Variants in CAPN8 observed in about 807,000 individuals in gnomAD.
CAPN8 encodes calpain 8, also known as calpain-8.
Under a neutral mutation model 80.9 loss-of-function variants are expected in CAPN8, and 87 were observed. The ratio of observed to expected loss-of-function variants is 1.07; its 90% CI spans 0.90 to 1.28. CAPN8 has a LOEUF of 1.28. Among genes scored for constraint, CAPN8 ranks in the 50% most tolerant of loss-of-function variants. The pLI is 0.00. For synonymous variants in CAPN8, 299 were observed against 273.8 expected (o/e 1.09, Z -0.91); for missense variants, 757 against 702.0 (o/e 1.08, Z -0.89).
chr1:223,656,619 A>T (rs1270733012), intron 1 of CAPN8, among the ~76,000 whole-genome samples: 1 of 151,174 alleles, frequency 6.6e-6, no homozygotes, highest in Non-Finnish European at 1.5e-5. Context: ...TCCCTCCAGA[A>T]GCTGTCTTCT....
intron 2 of CAPN8, among the ~76,000 whole-genome samples, chr1:223,643,357 C>T (rs1486315035): frequency 6.6e-6 from 1 of 152,164 alleles, no homozygotes; most frequent in Non-Finnish European, 1.5e-5. Context: ...TAAAGTGCAT[C>T]AAATATTCAA....
chr1:223,624,480 G>C (rs1175912170), intron 6 of CAPN8, among the ~76,000 whole-genome samples: 1 of 150,832 alleles, frequency 6.6e-6, no homozygotes. Flanking sequence ...CGAGGCAGGA[G>C]GATGGCTTGA....
intron 2 of CAPN8, among the ~76,000 whole-genome samples, chr1:223,645,623 CATGTACAG>C (rs1343865536): frequency 6.6e-6 from 1 of 152,178 alleles, no homozygotes; most frequent in Non-Finnish European, 1.5e-5. Flanking sequence ...GTCCTGAACA[CATGTACAG>C]AAGGGGCTCC....
chr1:223,619,584 A>G (rs961375395), intron 8 of CAPN8, 131 bp from the exon 9 acceptor site: 83 of 854,724 alleles, frequency 9.7e-5, no homozygotes, highest in Non-Finnish European at 1.3e-4. Context: ...TCTTTCCTAC[A>G]GCACACTGAT....
intron 8 of CAPN8, 150 bp from the exon 9 acceptor site, chr1:223,619,603 G>C: frequency 1.3e-6 from 1 of 751,700 alleles, no homozygotes; most frequent in East Asian, 2.7e-5. Flanking sequence ...ATACAAACAC[G>C]CAGAGACAAC....
intron 9 of CAPN8, chr1:223,617,802 T>C (rs61825173): frequency 0.75 from 124,041 of 165,934 alleles, 47,510 homozygotes; most frequent in African/African-American, 0.92. Flanking sequence ...GTTGGAAGGT[T>C]GAACCCCATC....
rs747330898 is a variant in CAPN8, at chr1:223,665,536, T to C, written c.111A>G (p.Gln37=). 2.6e-6 allele frequency: 4 copies of C among 1,551,744 alleles called. No individual in the cohort carries two copies. The highest frequency in any genetic ancestry group is 3.5e-6 in the Non-Finnish European group (4 of 1,146,996). ...YLGQDFKTLR[Q]QCLDSGVLFK... ...ATAGGACCCCTGAGTCCAAGCACTGTTGCCTCAGGGTCTTGAAATCCTGGC... is the reference window on the plus strand; with the variant it reads ...ATAGGACCCCTGAGTCCAAGCACTGCTGCCTCAGGGTCTTGAAATCCTGGC... The change falls in exon 1 of 21, where the codon CAA becomes CAG. Residue 37 remains glutamine, a synonymous_variant. Transcript: ENST00000366872.
intron 15 of CAPN8, 94 bp from the exon 16 acceptor site, chr1:223,549,476 C>T (rs1254310242): frequency 5.2e-6 from 8 of 1,535,978 alleles, no homozygotes; most frequent in Non-Finnish European, 6.1e-6. Flanking sequence ...AGATACCATC[C>T]AAGGGTGTGG....
chr1:223,615,840 T>G, intron 10 of CAPN8, 130 bp downstream of exon 10: 1 of 1,133,218 alleles, frequency 8.8e-7, no homozygotes, highest in Non-Finnish European at 1.3e-6. Flanking sequence ...GAGAGGTATA[T>G]AGAGGAGCAA....
At chr1:223,625,707 C>A in intron 6 of CAPN8, 98 bp downstream of exon 6, 7 of 1,106,534 alleles carry the variant, frequency 6.3e-6, no homozygotes, top group African/African-American at 1.6e-5. Flanking sequence ...CAATTCCGAA[C>A]CTTCTAGTAG....
chr1:223,615,835 G>A (rs1478357183), intron 10 of CAPN8, 135 bp downstream of exon 10: 13 of 1,041,192 alleles, frequency 1.2e-5, no homozygotes, highest in Non-Finnish European at 1.9e-5. Context: ...ACTGGGAGAG[G>A]TATATAGAGG....
In CAPN8 at chr1:223,549,308, T is replaced by C. The variant is rs771057563; in HGVS notation, c.1764+10A>G. On this transcript the variant is annotated intron_variant, in intron 16 of 20. Coordinates refer to ENST00000366872, the MANE Select transcript of CAPN8 (RefSeq NM_001143962.2). Reference sequence around the variant, plus strand: ...AAAAAAAAAAAAATAATGCAACATTTAAAGGATACATCCAACAGACTGATC... The same window carrying C: ...AAAAAAAAAAAAATAATGCAACATTCAAAGGATACATCCAACAGACTGATC... 23 of 1,550,422 alleles carry C rather than the reference T, an allele frequency of 1.5e-5. No homozygotes were observed. Among genetic ancestry groups the C allele is most frequent in the Non-Finnish European group, 1.9e-5 (22 of 1,146,614 alleles).
chr1:223,557,392 G>A (rs2102695002), intron 13 of CAPN8, among the ~76,000 whole-genome samples: 1 of 119,818 alleles, frequency 8.3e-6, no homozygotes, highest in African/African-American at 3.1e-5. Flanking sequence ...GTGTTGGACG[G>A]AGGGGTAGAA....
At chr1:223,542,906 G>A (rs185625497) in intron 20 of CAPN8, among the ~76,000 whole-genome samples, 3 of 152,128 alleles carry the variant, frequency 2.0e-5, no homozygotes, top group South Asian at 2.1e-4. Flanking sequence ...TTATCTTTAC[G>A]ATCATAATAA....
chr1:223,628,350 A>G (rs34214025), intron 3 of CAPN8, among the ~76,000 whole-genome samples: 18,850 of 152,234 alleles, frequency 0.12, 1,243 homozygotes, highest in South Asian at 0.17. Context: ...TTTGTGCATC[A>G]GAGAACTTGC....
chr1:223,631,915 T>G (rs1441786071), intron 2 of CAPN8, among the ~76,000 whole-genome samples: 16 of 152,198 alleles, frequency 1.1e-4, no homozygotes, highest in Admixed American at 1.0e-3. Context: ...TTACTGGGCA[T>G]GGTCCTGGTT....
At chr1:223,551,448 T>G (rs1455603289) in intron 14 of CAPN8, among the ~76,000 whole-genome samples, 1 of 152,206 alleles carries the variant, frequency 6.6e-6, no homozygotes, top group Non-Finnish European at 1.5e-5. Flanking sequence ...GCTGGCCCTG[T>G]GATTTTAAAA....
rs1375292079 is a variant in CAPN8 at position 223,628,718 on chromosome 1, C to T, written c.370G>A (p.Val124Met). 8 of 1,551,934 alleles carry T rather than the reference C, an allele frequency of 5.2e-6. No homozygotes were observed. Among genetic ancestry groups the T allele is most frequent in the African/African-American group, 1.4e-5 (1 of 73,042 alleles). ...TGGAAGTCCTGGTCCCTGGGGACCA[C>T]CCGGTAAAGCAGCTCTTCATTCAGG... ...LTLNEELLYR[V>M]VPRDQDFQEN... Residue 124 changes from valine to methionine, a missense_variant, in exon 3 of 21, where the codon GTG becomes ATG. Transcript: ENST00000366872.
At chr1:223,654,529 G>T (rs1014421556) in intron 1 of CAPN8, 130 bp from the exon 2 acceptor site, 7 of 779,862 alleles carry the variant, frequency 9.0e-6, no homozygotes, top group Non-Finnish European at 1.5e-5. Context: ...CCCATCACAT[G>T]GTTTTATTGC....
Sources: allele counts gnomAD v4.1 joint callset (sites outside exome capture counted in the v4.1 genomes callset), GRCh38; gene constraint gnomAD v4.1.1; transcripts MANE v1.5; gene names NCBI Gene and HGNC (gene_info 2026-07-23, HGNC 2026-07-21).